The following RADIL variants were observed in gnomAD, a reference collection of about 807,000 sequenced individuals.
RADIL encodes the protein ras-associating and dilute domain-containing protein.
A neutral mutation model predicts 97.6 loss-of-function variants in RADIL; 99 were observed. The ratio of observed to expected loss-of-function variants is 1.01; its 90% CI spans 0.86 to 1.20. RADIL has a LOEUF of 1.20. Among genes scored for constraint, RADIL ranks in the 50% most tolerant of loss-of-function variants. RADIL has a pLI of 0.00. For missense variants in RADIL, 1,765 were observed against 1,498.9 expected (o/e 1.18, Z -2.93); for synonymous variants, 803 against 691.8 (o/e 1.16, Z -2.52).
intron 11 of RADIL, among the ~76,000 whole-genome samples, 166 bp downstream of exon 11, chr7:4,803,377 TGGC>T (rs1292517058): frequency 1.5e-5 from 1 of 67,860 alleles, no homozygotes; most frequent in African/African-American, 6.7e-5. Flanking sequence ...GCTGGCTGGG[TGGC>T]CCCCTCCCCG....
chr7:4,861,768 C>T, intron 2 of RADIL: 3 of 1,487,442 alleles, frequency 2.0e-6, no homozygotes, highest in South Asian at 2.9e-5. Context: ...GGCGGCGGCG[C>T]CGGCTGCGGT....
chr7:4,802,593 G>GCC (rs1782138056), intron 11 of RADIL, among the ~76,000 whole-genome samples: 1 of 128,060 alleles, frequency 7.8e-6, no homozygotes, highest in Non-Finnish European at 1.7e-5. Flanking sequence ...TAGCTGGGGG[G>GCC]CCCCCTCCCC....
Position 4,873,185 on chromosome 7 carries a change from G to A in RADIL, c.535+4420C>T, listed in dbSNP as rs543729536. Reference sequence around the variant, plus strand: ...TGACTTCAATTGATCTGCCTGCCTCGGCCTCCCAAAGTGCTGGGATTACAC... The same window carrying A: ...TGACTTCAATTGATCTGCCTGCCTCAGCCTCCCAAAGTGCTGGGATTACAC... On this transcript the variant is annotated intron_variant, in intron 2 of 14. Coordinates refer to ENST00000399583, the MANE Select transcript of RADIL (RefSeq NM_018059.5). The surrounding 1 kb of genome is among the most constrained non-coding windows in gnomAD (Gnocchi z 4.3). Among the ~76,000 whole-genome samples, 27 of 152,168 alleles carry A rather than the reference G, an allele frequency of 1.8e-4. No individual in the cohort carries two copies. The highest frequency in any genetic ancestry group is 3.4e-4 in the Non-Finnish European group (23 of 68,010).
chr7:4,809,273 G>GC (rs1291597631), intron 9 of RADIL: 1 of 985,250 alleles, frequency 1.0e-6, no homozygotes, highest in African/African-American at 1.7e-5. Flanking sequence ...AGAGGCCGGG[G>GC]CCCCCCTTCC....
intron 9 of RADIL, among the ~76,000 whole-genome samples, chr7:4,810,492 T>C (rs969728343): frequency 1.3e-5 from 2 of 152,212 alleles, no homozygotes; most frequent in Non-Finnish European, 2.9e-5. Context: ...CTCAGTCACG[T>C]TGCTCTGCCG....
intron 4 of RADIL, 63 bp from the exon 5 acceptor site, chr7:4,832,241 A>C: frequency 6.7e-7 from 1 of 1,489,380 alleles, no homozygotes; most frequent in Non-Finnish European, 9.1e-7. Flanking sequence ...GGACGCGTTC[A>C]AATACACGAT....
rs1371204493 is a variant in RADIL, at chr7:4,840,622, T to C, written c.536-4017A>G. 6.6e-6 allele frequency among the ~76,000 whole-genome samples: 1 copy of C among 152,160 alleles called. No homozygotes were observed. The highest frequency in any genetic ancestry group is 1.9e-4 in the East Asian group (1 of 5,186). On this transcript the variant is annotated intron_variant, in intron 2 of 14. Coordinates refer to ENST00000399583, the MANE Select transcript of RADIL (RefSeq NM_018059.5). The surrounding 1 kb of genome is among the most constrained non-coding windows in gnomAD (Gnocchi z 5.6). ...ACCCCAGGGGCCCTTATGCTACCAA[T>C]GGGAGATTCCGCCAACATGAAATAA...
intron 5 of RADIL, among the ~76,000 whole-genome samples, chr7:4,823,688 C>T (rs1292426626): frequency 6.6e-6 from 1 of 152,210 alleles, no homozygotes; most frequent in Admixed American, 6.5e-5. Context: ...GGCTGGCTTC[C>T]AAGCTCAGAG....
chr7:4,877,741 C>G lies in RADIL; in HGVS notation c.399G>C (p.Val133=). 1 of 1,613,846 alleles carries G rather than the reference C, an allele frequency of 6.2e-7. No individual in the cohort carries two copies. Among genetic ancestry groups the G allele is most frequent in the Non-Finnish European group, 8.5e-7 (1 of 1,180,042 alleles). Residue 133 remains valine, a synonymous_variant, in exon 2 of 15, where the codon GTG becomes GTC. Transcript: ENST00000399583. ...GQRWQARCFR[V]FGDSEKPLLI... is the part of the protein sequence containing the mutation. ...AGAGGGGCTTCTCACTGTCCCCAAACACCCGAAAGCACCGGGCCTGCCACC... is the reference window on the plus strand; with the variant it reads ...AGAGGGGCTTCTCACTGTCCCCAAAGACCCGAAAGCACCGGGCCTGCCACC...
Position 4,837,936 on chromosome 7 carries a change from A to G in RADIL, c.536-1331T>C, listed in dbSNP as rs1269073838. On this transcript the variant is annotated intron_variant, in intron 2 of 14. Transcript: ENST00000399583. The surrounding 1 kb of genome is among the most constrained non-coding windows in gnomAD (Gnocchi z 5.6). Reference sequence around the variant, plus strand: ...CCCATCTGTGGCGGCCTTTCCTCCAACCATTCCCAATAAAACCAAACAAAA... The same window carrying G: ...CCCATCTGTGGCGGCCTTTCCTCCAGCCATTCCCAATAAAACCAAACAAAA... 1 of 985,182 alleles carries G rather than the reference A, an allele frequency of 1.0e-6. No individual in the cohort carries two copies. The highest frequency in any genetic ancestry group is 1.2e-6 in the Non-Finnish European group (1 of 829,912). The allele number at this position is 985,182 out of a possible 1,614,324, so 61.0% of individuals were successfully genotyped here. A position where few individuals can be genotyped will look rare whatever the true frequency, so the allele number is the denominator to read the frequency against.
rs755506529 is a variant in RADIL, at chr7:4,834,906, G to A, written c.1117C>T (p.Arg373Trp). Residue 373 changes from arginine (R) to tryptophan (W), a missense_variant, in exon 4 of 15, where the codon CGG becomes TGG. Arg to Trp is a moderately radical substitution (Grantham distance 101, BLOSUM62 -3). Transcript: ENST00000399583. The surrounding 1 kb of genome is among the most constrained non-coding windows in gnomAD (Gnocchi z 6.0). ...AGCCGGCAGCTCTGCGGCACAGCCC[G>A]GAGGCGCGCCAAGGCCCGGGCGGGC... is the stretch of plus-strand genomic sequence containing the variant. The part of the protein sequence containing the change: ...PLPARALARL[R>W]AVPQSCRLCG... 20 of 1,526,392 alleles carry A rather than the reference G, an allele frequency of 1.3e-5. No homozygotes were observed. The highest frequency in any genetic ancestry group is 1.8e-4 in the Middle Eastern group (1 of 5,698). 94.6% of individuals were successfully genotyped at this position (1,526,392 alleles called of 1,614,324 possible). A position where few individuals can be genotyped will look rare whatever the true frequency, so the allele number is the denominator to read the frequency against.
chr7:4,801,981 C>A lies in RADIL; in HGVS notation c.2514G>T (p.Val838=). The stretch of plus-strand genomic sequence containing the variant: ...GGGCCTCCAGGTGCCCGTCAAGGAC[C>A]ACGTGGTGCATACCCTAGGGAGAGG... ...QPVCPEGMHH[V]VLDGHLEAPS... is the part of the protein sequence containing the mutation. The change falls in exon 12 of 15, where the codon GTG becomes GTT. Residue 838 remains valine (V), a synonymous_variant. Transcript: ENST00000399583. 6.5e-7 allele frequency: 1 copy of A among 1,539,604 alleles called. No homozygotes were observed. The highest frequency in any genetic ancestry group is 8.7e-7 in the Non-Finnish European group (1 of 1,147,650).
chr7:4,841,201 G>A (rs899404423), intron 2 of RADIL, among the ~76,000 whole-genome samples: 3 of 152,210 alleles, frequency 2.0e-5, no homozygotes, highest in African/African-American at 7.2e-5. Flanking sequence ...GACAAGACAG[G>A]CCGAGGTCAG....
chr7:4,811,397 G>A (rs1206172374), intron 9 of RADIL: 1 of 151,264 alleles, frequency 6.6e-6, no homozygotes, highest in African/African-American at 2.4e-5. Flanking sequence ...TTGCTGTCAA[G>A]GTATTACTGG....
intron 9 of RADIL, among the ~76,000 whole-genome samples, chr7:4,811,779 G>A (rs143265260): frequency 4.0e-5 from 6 of 151,812 alleles, no homozygotes; most frequent in East Asian, 3.9e-4. Context: ...GAGCCACCGC[G>A]CCTGGCCTAA....
chr7:4,799,501 G>A lies in RADIL; in HGVS notation c.3123-18C>T, dbSNP rs1050352152. On this transcript the variant is annotated intron_variant, in intron 14 of 14. Transcript: ENST00000399583. ...CCACAGCTCTGAAATCCATGCCAGAGGTGGGGGTGGGCAGGAGGGCACCAG... is the reference window on the plus strand; with the variant it reads ...CCACAGCTCTGAAATCCATGCCAGAAGTGGGGGTGGGCAGGAGGGCACCAG... The A allele has an allele frequency of 1.2e-6, 2 of 1,613,750 alleles. No homozygotes were observed. The highest frequency in any genetic ancestry group is 1.7e-5 in the Admixed American group (1 of 60,024).
chr7:4,832,851 G>C (rs1783186995), intron 4 of RADIL, among the ~76,000 whole-genome samples: 1 of 152,136 alleles, frequency 6.6e-6, no homozygotes, highest in Non-Finnish European at 1.5e-5. Context: ...TGTATATTTG[G>C]TAAGGAATGA....
At chr7:4,850,236 A>AAAC (rs370621844) in intron 2 of RADIL, among the ~76,000 whole-genome samples, 1 of 151,518 alleles carries the variant, frequency 6.6e-6, no homozygotes, top group African/African-American at 2.4e-5. Context: ...AAAAAAAAAA[A>AAAC]AACCTTTGAC....
At chr7:4,839,307 A>T (rs1391575860) in intron 2 of RADIL, among the ~76,000 whole-genome samples, 1 of 152,150 alleles carries the variant, frequency 6.6e-6, no homozygotes, top group African/African-American at 2.4e-5. Flanking sequence ...CAATCTTCTT[A>T]GTACTGATTT....
Sources: gnomAD v4.1 joint callset for allele counts (sites outside exome capture counted in the v4.1 genomes callset) on GRCh38, gnomAD v4.1.1 for gene constraint, Gnocchi (gnomAD v3.1) non-coding constraint, MANE v1.5 for transcripts, NCBI Gene and HGNC (gene_info 2026-07-23, HGNC 2026-07-21) for gene names.